The following ZNF44 variants were observed in gnomAD, a reference collection of about 807,000 sequenced individuals.
ZNF44 encodes the protein gonadotropin inducible transcription repressor-2.
In ZNF44, 9 loss-of-function variants were observed where a neutral mutation model predicts 11.7. That is an observed-to-expected ratio of 0.77 (90% CI 0.46 to 1.35). The LOEUF (loss-of-function observed/expected upper bound fraction) is 1.35. Ranked by LOEUF, ZNF44 falls within the 40% of genes most tolerant of loss-of-function variation. The probability of loss-of-function intolerance (pLI) is 0.00; values close to 1 mark genes in which losing one functional copy is unlikely to be tolerated. For missense variants in ZNF44, 696 were observed against 743.1 expected, an observed-to-expected ratio of 0.94 and a Z score of 0.74; for synonymous variants, 224 against 242.7, an observed-to-expected ratio of 0.92 and a Z score of 0.72.
exon 8 of ZNF44, chr19:12,248,122 G>A: frequency 1.5e-6 from 2 of 1,304,502 alleles, no homozygotes; most frequent in South Asian, 1.2e-5. Flanking sequence ...TAGCGTTTCT[G>A]TACAGTGTGA....
chr19:12,260,240 C>T, intron 5 of ZNF44: 1 of 801,854 alleles, frequency 1.2e-6, no homozygotes, highest in East Asian at 2.4e-5. Flanking sequence ...GCTCCTTCCG[C>T]TACAACGGGC....
In ZNF44 at chr19:12,276,012, T is replaced by C. The variant is rs1396099097; in HGVS notation, c.74A>G (p.Gln25Arg). ...HEEWALLGPS[Q>R]KNLYRDVMRE... Reference sequence around the variant, plus strand: ...CATCACATCTCTGTAGAGATTCTTCTGTGATGGACCCAGCAAAGCCCACTC... The same window carrying C: ...CATCACATCTCTGTAGAGATTCTTCCGTGATGGACCCAGCAAAGCCCACTC... Residue 25 changes from glutamine (Q) to arginine (R), a missense_variant, in exon 2 of 4, where the codon CAG becomes CGG. Gln to Arg is a conservative substitution (Grantham distance 43). Transcript: ENST00000355684. The C allele has an allele frequency of 6.2e-7, 1 of 1,609,990 alleles. No individual in the cohort carries two copies. Among genetic ancestry groups the C allele is most frequent in the Non-Finnish European group, 8.5e-7 (1 of 1,177,188 alleles).
intron 5 of ZNF44, among the ~76,000 whole-genome samples, chr19:12,255,848 T>G (rs1256734898): frequency 6.6e-6 from 1 of 151,678 alleles, no homozygotes; most frequent in African/African-American, 2.4e-5. Context: ...AAGACCAACC[T>G]CAACATGGAG....
downstream of ZNF44, among the ~76,000 whole-genome samples, chr19:12,244,179 AT>A (rs532732530): frequency 9.9e-4 from 150 of 151,234 alleles, no homozygotes; most frequent in Non-Finnish European, 1.6e-3. Context: ...CCAGCTAATA[AT>A]TTATTTATTT....
chr19:12,258,940 T>A (rs767069689), intron 5 of ZNF44, among the ~76,000 whole-genome samples: 2 of 152,100 alleles, frequency 1.3e-5, no homozygotes, highest in Non-Finnish European at 2.9e-5. Context: ...AGTGGCACAG[T>A]CACAGCTCAC....
intron 5 of ZNF44, among the ~76,000 whole-genome samples, chr19:12,251,079 C>T (rs571908562): frequency 1.3e-5 from 2 of 152,080 alleles, no homozygotes; most frequent in South Asian, 4.2e-4. Flanking sequence ...CACCTGTAAT[C>T]CCAGCACTTT....
intron 1 of ZNF44, among the ~76,000 whole-genome samples, chr19:12,276,332 T>A (rs540997826): frequency 6.6e-6 from 1 of 152,348 alleles, no homozygotes; most frequent in Admixed American, 6.5e-5. Context: ...GTGAATCTTA[T>A]TGCCTGGATT....
At position 12,294,702 on chromosome 19, in the gene ZNF44, C is replaced by T; in HGVS notation, c.-8G>A. 6.4e-7 allele frequency: 1 copy of T among 1,560,066 alleles called. No homozygotes were observed. The highest frequency in any genetic ancestry group is 8.7e-7 in the Non-Finnish European group (1 of 1,152,950). ...GCCCCGCACACTCACCATTTCCCGG[C>T]TGTGCGGTGTCCCGGGTCCTCCCAA... is the stretch of plus-strand genomic sequence containing the variant. On this transcript the variant is annotated 5_prime_UTR_variant, in exon 1 of 4. Transcript: ENST00000355684.
At chr19:12,287,313 C>A (rs1444757545) in intron 1 of ZNF44, among the ~76,000 whole-genome samples, 1 of 152,066 alleles carries the variant, frequency 6.6e-6, no homozygotes, top group East Asian at 1.9e-4. Flanking sequence ...CTCCTGGGTT[C>A]AAGGGATTCT....
chr19:12,248,021 A>G, exon 8 of ZNF44: 1 of 1,340,300 alleles, frequency 7.5e-7, no homozygotes, highest in Non-Finnish European at 9.9e-7. Flanking sequence ...CACATTTTTT[A>G]CATTCATAGG....
At position 12,272,383 on chromosome 19, in the gene ZNF44, A is replaced by C; in HGVS notation, c.*24T>G. 6.7e-7 allele frequency: 1 copy of C among 1,500,332 alleles called. No homozygotes were observed. Among genetic ancestry groups the C allele is most frequent in the South Asian group, 1.4e-5 (1 of 70,782 alleles). 92.9% of individuals were successfully genotyped at this position (1,500,332 alleles called of 1,614,324 possible). ...GTATCTGAATGTGATAAAACCAATG[A>C]ATGCTTTCCCACATTCCATACACTT... On this transcript the variant is annotated 3_prime_UTR_variant, in exon 4 of 4. Transcript: ENST00000355684.
chr19:12,234,952 G>A (rs1916319752), intron 1 of ZNF44: 1 of 152,210 alleles, frequency 6.6e-6, no homozygotes, highest in South Asian at 2.1e-4. Context: ...AGTTTAATAG[G>A]CGAAAGAAAG....
At chr19:12,260,588 C>A in intron 5 of ZNF44, 1 of 652,368 alleles carries the variant, frequency 1.5e-6, no homozygotes, top group Admixed American at 3.0e-5. Flanking sequence ...TCACCACCAG[C>A]CCCTCATGCC....
chr19:12,252,277 G>A (rs1334269906), intron 5 of ZNF44, among the ~76,000 whole-genome samples: 1 of 152,130 alleles, frequency 6.6e-6, no homozygotes, highest in East Asian at 1.9e-4. Context: ...GAAACCATAC[G>A]AGAAAGTAGA....
chr19:12,234,261 G>C (rs1325201211), intron 2 of ZNF44, among the ~76,000 whole-genome samples: 1 of 152,118 alleles, frequency 6.6e-6, no homozygotes, highest in African/African-American at 2.4e-5. Flanking sequence ...AAGTTTCTTA[G>C]TTCTGTTTCC....
chr19:12,269,910 T>C (rs1309173576), downstream of ZNF44, among the ~76,000 whole-genome samples: 1 of 152,216 alleles, frequency 6.6e-6, no homozygotes, highest in Non-Finnish European at 1.5e-5. Context: ...ATGGCATTAG[T>C]ACCATCCTCA....
chr19:12,256,909 T>C (rs1917286202), intron 5 of ZNF44, among the ~76,000 whole-genome samples: 1 of 152,156 alleles, frequency 6.6e-6, no homozygotes, highest in Middle Eastern at 3.4e-3. Context: ...GTTTTTGCCA[T>C]GTTGGCCAGG....
At chr19:12,236,608 A>ACC (rs1410457922) in intron 1 of ZNF44, among the ~76,000 whole-genome samples, 1 of 152,240 alleles carries the variant, frequency 6.6e-6, no homozygotes, top group Non-Finnish European at 1.5e-5. Context: ...TATTTCACTG[A>ACC]CCTGTACTGA....
chr19:12,280,093 G>A (rs1212596892), intron 1 of ZNF44, among the ~76,000 whole-genome samples: 2 of 152,064 alleles, frequency 1.3e-5, no homozygotes, highest in Non-Finnish European at 2.9e-5. Context: ...GTGGTGCACA[G>A]CTGTAATCCC....
Sources: allele counts gnomAD v4.1 joint callset (sites outside exome capture counted in the v4.1 genomes callset), GRCh38; gene constraint gnomAD v4.1.1; transcripts MANE v1.5; gene names NCBI Gene and HGNC (gene_info 2026-07-23, HGNC 2026-07-21).